Variants in ZDHHC7 observed in about 807,000 individuals in gnomAD.
The protein encoded by ZDHHC7 is zDHHC palmitoyltransferase 7, also known as palmitoyltransferase ZDHHC7.
ZDHHC7 carries 12 observed loss-of-function variants against 34.1 expected under a neutral mutation model. The observed-to-expected ratio is 0.35, with a 90% CI of 0.23 to 0.57. ZDHHC7 has a LOEUF of 0.57. Among genes scored for constraint, ZDHHC7 ranks in the 20% least tolerant of loss-of-function variants. The probability of loss-of-function intolerance (pLI) is 0.84; values close to 1 mark genes in which losing one functional copy is unlikely to be tolerated. For synonymous variants in ZDHHC7, 185 were observed against 155.4 expected (o/e 1.19, Z -1.42); for missense variants, 388 against 402.7 (o/e 0.96, Z 0.31).
chr16:85,013,889 TG>T (rs1214809155), upstream of ZDHHC7, among the ~76,000 whole-genome samples: 1 of 152,002 alleles, frequency 6.6e-6, no homozygotes, highest in Non-Finnish European at 1.5e-5. Context: ...GGTTTCACTA[TG>T]TTGGCCAGGC....
chr16:84,982,365 A>T (rs973417590), intron 3 of ZDHHC7, among the ~76,000 whole-genome samples: 1 of 151,852 alleles, frequency 6.6e-6, no homozygotes, highest in East Asian at 1.9e-4. Flanking sequence ...AAAAAATCAT[A>T]TATTTTCTAT....
Position 84,981,974 on chromosome 16 carries a change from G to A in ZDHHC7, c.336C>T (p.Asn112=), listed in dbSNP as rs749072809. 123 of 1,614,032 alleles carry A rather than the reference G, an allele frequency of 7.6e-5. No individual in the cohort carries two copies. The highest frequency in any genetic ancestry group is 9.5e-5 in the Non-Finnish European group (112 of 1,180,014). The change falls in exon 4 of 8, where the codon AAC becomes AAT. Residue 112 remains asparagine, a synonymous_variant. Coordinates refer to ENST00000313732, the MANE Select transcript of ZDHHC7 (RefSeq NM_017740.3). ...LTDPGAVPKG[N]ATKEYMESLQ... is the part of the protein sequence containing the mutation. ...AGCTCTCCATGTATTCTTTCGTAGC[G>A]TTTCCTTTGGGTACTGCCCCCTACC...
intron 3 of ZDHHC7, among the ~76,000 whole-genome samples, chr16:84,986,382 G>A (rs553855393): frequency 4.6e-5 from 7 of 152,336 alleles, no homozygotes; most frequent in East Asian, 3.9e-4. Flanking sequence ...CTGCTGTGAC[G>A]GTGGGAGGAA....
chr16:84,994,881 C>T (rs2072556225), intron 2 of ZDHHC7, among the ~76,000 whole-genome samples: 1 of 152,206 alleles, frequency 6.6e-6, no homozygotes, highest in South Asian at 2.1e-4. Flanking sequence ...TGGACAAATA[C>T]AGCTCTCAGT....
chr16:84,992,698 C>A (rs1015021515), intron 2 of ZDHHC7, among the ~76,000 whole-genome samples: 5 of 152,106 alleles, frequency 3.3e-5, no homozygotes, highest in African/African-American at 1.2e-4. Context: ...AGGAGCGCTC[C>A]TCATATTTTA....
the ZDHHC7 span, among the ~76,000 whole-genome samples, chr16:85,020,610 G>C: frequency 7.2e-4 from 109 of 152,230 alleles, no homozygotes; most frequent in East Asian, 0.014. Context: ...ACGCAGGCAG[G>C]TCCTACAGTA....
chr16:84,976,533 G>C lies in ZDHHC7; in HGVS notation c.751-14C>G. On this transcript the variant is annotated splice_polypyrimidine_tract_variant and intron_variant, in intron 7 of 7. Coordinates refer to ENST00000313732, the MANE Select transcript of ZDHHC7 (RefSeq NM_017740.3). Reference sequence around the variant, plus strand: ...TCGCTCGATCTCCTGGAAGCAGAAAGAAAAGCAAGTGGCAGCGGCTCCAGG... The same window carrying C: ...TCGCTCGATCTCCTGGAAGCAGAAACAAAAGCAAGTGGCAGCGGCTCCAGG... The C allele has an allele frequency of 6.2e-7, 1 of 1,611,998 alleles. No homozygotes were observed. Among genetic ancestry groups the C allele is most frequent in the South Asian group, 1.1e-5 (1 of 90,894 alleles).
At chr16:85,003,199 C>G (rs1044471304) in intron 1 of ZDHHC7, among the ~76,000 whole-genome samples, 1 of 152,012 alleles carries the variant, frequency 6.6e-6, no homozygotes, top group African/African-American at 2.4e-5. Context: ...ACTGAGGGCC[C>G]GAGGAGCCTG....
At chr16:84,996,098 G>C (rs887386905) in intron 1 of ZDHHC7, 91 bp from the exon 2 acceptor site, 2 of 152,092 alleles carry the variant, frequency 1.3e-5, no homozygotes, top group African/African-American at 4.8e-5. Context: ...TTTTTGGAGC[G>C]TAACATTTGA....
In ZDHHC7 at chr16:84,974,899, A is replaced by T. The variant is rs2072274625; in HGVS notation, c.*1444T>A. ...AAGCCCTGATTCGGATGGGGTACAGAGTAATTAAAAACAAAAAACAGTTCA... is the reference window on the plus strand; with the variant it reads ...AAGCCCTGATTCGGATGGGGTACAGTGTAATTAAAAACAAAAAACAGTTCA... On this transcript the variant is annotated 3_prime_UTR_variant, in exon 8 of 8. Transcript: ENST00000313732. 6.5e-6 allele frequency: 1 copy of T among 152,672 alleles called. No homozygotes were observed. The highest frequency in any genetic ancestry group is 2.1e-4 in the South Asian group (1 of 4,832). 9.5% of individuals were successfully genotyped at this position (152,672 alleles called of 1,614,324 possible).
At chr16:85,017,410 G>C in the ZDHHC7 span, among the ~76,000 whole-genome samples, 1 of 152,180 alleles carries the variant, frequency 6.6e-6, no homozygotes, top group Non-Finnish European at 1.5e-5. Flanking sequence ...GCTGGTGAGA[G>C]TGTAATTGTT....
intron 1 of ZDHHC7, among the ~76,000 whole-genome samples, chr16:85,002,875 G>A (rs1487595814): frequency 2.0e-5 from 3 of 151,756 alleles, no homozygotes; most frequent in African/African-American, 7.3e-5. Context: ...GCGGCGCTGG[G>A]AGGGCCTATG....
chr16:85,017,276 T>C, the ZDHHC7 span, among the ~76,000 whole-genome samples: 1 of 152,206 alleles, frequency 6.6e-6, no homozygotes, highest in Non-Finnish European at 1.5e-5. Context: ...CTCATTCTCA[T>C]TAGTCATCAG....
At chr16:84,976,596 G>A (rs1464760762) in intron 7 of ZDHHC7, 77 bp from the exon 8 acceptor site, 12 of 1,550,516 alleles carry the variant, frequency 7.7e-6, no homozygotes, top group Admixed American at 4.2e-5. Flanking sequence ...GAATCACACC[G>A]TGCTCAAGCA....
the ZDHHC7 span, among the ~76,000 whole-genome samples, chr16:85,018,517 A>G: frequency 1.3e-5 from 2 of 151,446 alleles, no homozygotes; most frequent in African/African-American, 4.9e-5. Flanking sequence ...GCACGATCTC[A>G]GCTCACCGCA....
chr16:85,004,247 G>C (rs1275149310), intron 1 of ZDHHC7, among the ~76,000 whole-genome samples: 1 of 151,378 alleles, frequency 6.6e-6, no homozygotes, highest in African/African-American at 2.4e-5. Flanking sequence ...TCCACATCTA[G>C]CTGATCAGCA....
intron 5 of ZDHHC7, 167 bp from the exon 6 acceptor site, chr16:84,978,172 A>C (rs1035466351): frequency 1.3e-5 from 7 of 522,424 alleles, no homozygotes; most frequent in Non-Finnish European, 3.4e-6. Context: ...CAAGTAGCTG[A>C]GACTACAAGC....
upstream of ZDHHC7, among the ~76,000 whole-genome samples, chr16:85,013,979 C>A (rs557763695): frequency 5.9e-5 from 9 of 152,316 alleles, no homozygotes; most frequent in East Asian, 1.9e-4. Flanking sequence ...TGAGCCACTG[C>A]ACTCAGCCTA....
At chr16:84,998,533 G>A (rs529097226) in intron 1 of ZDHHC7, among the ~76,000 whole-genome samples, 263 of 152,162 alleles carry the variant, frequency 1.7e-3, no homozygotes, top group African/African-American at 4.0e-3. Context: ...ACATATTCTG[G>A]GGTGCCTCCC....
Sources: gnomAD v4.1 joint callset for allele counts (sites outside exome capture counted in the v4.1 genomes callset) on GRCh38, gnomAD v4.1.1 for gene constraint, MANE v1.5 for transcripts, NCBI Gene and HGNC (gene_info 2026-07-23, HGNC 2026-07-21) for gene names.